MDGA2: variants seen among roughly 807,000 people sequenced by gnomAD.
MDGA2 encodes the protein MAM domain-containing glycosylphosphatidylinositol anchor protein 2.
MDGA2 carries 40 observed loss-of-function variants against 117.8 expected under a neutral mutation model. The ratio of observed to expected loss-of-function variants is 0.34; its 90% CI spans 0.26 to 0.44. MDGA2 has a LOEUF of 0.44. MDGA2 is among the 20% of genes least tolerant of loss of function. MDGA2 has a pLI of 1.00. For synonymous variants in MDGA2, 452 were observed against 439.0 expected (o/e 1.03, Z -0.37); for missense variants, 1,123 against 1,250.6 (o/e 0.90, Z 1.54).
intron 1 of MDGA2, among the ~76,000 whole-genome samples, chr14:47,608,448 C>G (rs2138896638): frequency 6.6e-6 from 1 of 152,100 alleles, no homozygotes; most frequent in South Asian, 2.1e-4. Context: ...CTAAGTGAGG[C>G]TCGTAGGGAA....
chr14:47,114,616 G>T lies in MDGA2; in HGVS notation c.925+17098C>A, dbSNP rs1033979077. 2.0e-5 allele frequency among the ~76,000 whole-genome samples: 3 copies of T among 151,818 alleles called. No homozygotes were observed. The East Asian group carries it at 5.8e-4, about 29-fold the overall frequency. ...GAATAGAGATCTCAGAAATAAAACT[G>T]CACATCTACAACCATCTGATCTTCG... On this transcript the variant is annotated intron_variant, in intron 5 of 16. Coordinates refer to ENST00000399232, the MANE Select transcript of MDGA2 (RefSeq NM_001113498.3).
At position 47,511,285 on chromosome 14, in the gene MDGA2, G is replaced by GT. The variant is rs1894634749; in HGVS notation, c.280+163231dup. 2.6e-5 allele frequency among the ~76,000 whole-genome samples: 4 copies of GT among 152,006 alleles called. No homozygotes were observed. The South Asian group carries it at 8.3e-4, about 31-fold the overall frequency. On this transcript the variant is annotated intron_variant, in intron 1 of 16. Transcript: ENST00000399232. ...ATGAAATTGAATTTTGAAAGACTGT[G>GT]TCATAAGTTCAGCATTAAATATGTT...
chr14:47,553,771 A>G (rs1895632522), intron 1 of MDGA2, among the ~76,000 whole-genome samples: 1 of 152,142 alleles, frequency 6.6e-6, no homozygotes. Flanking sequence ...ATAAAAGTAT[A>G]TATGTTGTCT....
intron 6 of MDGA2, among the ~76,000 whole-genome samples, chr14:47,066,805 A>C (rs1890100217): frequency 6.6e-6 from 1 of 152,170 alleles, no homozygotes; most frequent in African/African-American, 2.4e-5. Flanking sequence ...CCTGTTTCAG[A>C]AAATGGTTAA....
chr14:47,629,207 G>A (rs977282425), intron 1 of MDGA2, among the ~76,000 whole-genome samples: 2 of 152,196 alleles, frequency 1.3e-5, no homozygotes, highest in Non-Finnish European at 2.9e-5. Context: ...TCATATCTGT[G>A]TTGTGGGGAT....
chr14:47,146,956 C>A (rs1344690009), intron 3 of MDGA2, among the ~76,000 whole-genome samples: 1 of 152,070 alleles, frequency 6.6e-6, no homozygotes, highest in Non-Finnish European at 1.5e-5. Flanking sequence ...GTGACAATGG[C>A]TTATAGTATT....
intron 1 of MDGA2, among the ~76,000 whole-genome samples, chr14:47,668,508 T>C: frequency 6.6e-6 from 1 of 152,208 alleles, no homozygotes; most frequent in South Asian, 2.1e-4. Context: ...CTTCTCCCAC[T>C]TTATGATTTT....
At chr14:47,376,863 G>T (rs68041463) in intron 1 of MDGA2, among the ~76,000 whole-genome samples, 7 of 152,028 alleles carry the variant, frequency 4.6e-5, no homozygotes, top group African/African-American at 1.4e-4. Context: ...GTAGGAAAGG[G>T]GGGGCACAAA....
At chr14:47,598,894 G>T (rs1427771553) in intron 1 of MDGA2, among the ~76,000 whole-genome samples, 1 of 152,120 alleles carries the variant, frequency 6.6e-6, no homozygotes, top group East Asian at 1.9e-4. Context: ...AAGGTTCAAA[G>T]ACTTTCTCCA....
intron 1 of MDGA2, among the ~76,000 whole-genome samples, chr14:47,317,266 T>C (rs1031534622): frequency 6.6e-6 from 1 of 152,158 alleles, no homozygotes; most frequent in Non-Finnish European, 1.5e-5. Flanking sequence ...AATCTTTTTT[T>C]AGTTAGGATT....
intron 1 of MDGA2, among the ~76,000 whole-genome samples, chr14:47,410,192 T>C (rs1892343770): frequency 6.6e-6 from 1 of 152,156 alleles, no homozygotes; most frequent in African/African-American, 2.4e-5. Context: ...CTAAAGGCTT[T>C]AACCATTTAG....
At chr14:47,105,710 A>G (rs12436810) in intron 5 of MDGA2, among the ~76,000 whole-genome samples, 68,032 of 142,776 alleles carry the variant, frequency 0.48, 16,363 homozygotes, top group East Asian at 0.54. Context: ...TCCCTTCCTA[A>G]TCTCTGTGAC....
intron 1 of MDGA2, among the ~76,000 whole-genome samples, chr14:47,304,951 T>C (rs1213017299): frequency 6.6e-6 from 1 of 152,190 alleles, no homozygotes; most frequent in Non-Finnish European, 1.5e-5. Context: ...TTCTCTTTTC[T>C]TCCATGAGGT....
chr14:47,232,075 A>G (rs934519682), intron 2 of MDGA2, among the ~76,000 whole-genome samples: 2 of 152,044 alleles, frequency 1.3e-5, no homozygotes, highest in Non-Finnish European at 2.9e-5. Context: ...TCTTCTTTCA[A>G]TTCAGGGGCC....
At chr14:47,371,332 C>T (rs1383206670) in intron 1 of MDGA2, among the ~76,000 whole-genome samples, 1 of 151,738 alleles carries the variant, frequency 6.6e-6, no homozygotes, top group African/African-American at 2.4e-5. Flanking sequence ...ACCTAAAGTA[C>T]TACTTAAAGT....
At chr14:47,279,068 T>C (rs1298831340) in intron 2 of MDGA2, among the ~76,000 whole-genome samples, 3 of 152,144 alleles carry the variant, frequency 2.0e-5, no homozygotes, top group South Asian at 2.1e-4. Context: ...ACCCTTGTTA[T>C]ACATGTACAT....
intron 2 of MDGA2, among the ~76,000 whole-genome samples, chr14:47,221,013 G>A (rs1424236995): frequency 6.6e-6 from 1 of 152,178 alleles, no homozygotes; most frequent in Non-Finnish European, 1.5e-5. Flanking sequence ...GGGATTGTGA[G>A]AAGATATAGA....
At chr14:47,144,887 C>T (rs1450736808) in intron 3 of MDGA2, among the ~76,000 whole-genome samples, 3 of 150,288 alleles carry the variant, frequency 2.0e-5, no homozygotes, top group East Asian at 2.0e-4. Context: ...TGGCTTCAAG[C>T]GATCCTCCCA....
At chr14:46,942,890 C>A (rs925911412) in intron 9 of MDGA2, among the ~76,000 whole-genome samples, 32 of 152,168 alleles carry the variant, frequency 2.1e-4, no homozygotes, top group African/African-American at 7.5e-4. Flanking sequence ...CATGTGCTTT[C>A]ATTTCTGTTG....
Sources: allele counts gnomAD v4.1 joint callset (sites outside exome capture counted in the v4.1 genomes callset), GRCh38; gene constraint gnomAD v4.1.1; transcripts MANE v1.5; gene names NCBI Gene and HGNC (gene_info 2026-07-23, HGNC 2026-07-21).